The following DOK7 variants were observed in gnomAD, a reference collection of about 807,000 sequenced individuals.
DOK7 encodes the protein docking protein 7, also known as protein Dok-7.
Under a neutral mutation model 30.7 loss-of-function variants are expected in DOK7, and 32 were observed. The observed-to-expected ratio is 1.04, with a 90% CI of 0.79 to 1.40. The LOEUF is 1.40. Ranked by LOEUF, DOK7 falls within the 40% of genes most tolerant of loss-of-function variation. The pLI is 0.00. For synonymous variants in DOK7, 447 were observed against 324.1 expected (o/e 1.38, Z -4.07); for missense variants, 1,007 against 699.2 (o/e 1.44, Z -4.97).
rs1390831169 is a variant in DOK7 at position 3,493,280 on chromosome 4, A to G, written c.1294A>G (p.Arg432Gly). ...GGGCAGCCCCGGCAACAGTGCGGCC[A>G]GGGACTCAGGCGGCCAGACGTCCGC... ...SQGSPGNSAARDSGGQTSAGC... is the reference protein window; with the variant it reads ...SQGSPGNSAAGDSGGQTSAGC... Residue 432 changes from arginine to glycine, a missense_variant, in exon 7 of 7, where the codon AGG becomes GGG. Physicochemically the swap from Arg to Gly is moderately radical, Grantham distance 125 (BLOSUM62 -2). Transcript: ENST00000340083. 27 of 1,610,192 alleles carry G rather than the reference A, an allele frequency of 1.7e-5. 1 individual carries two copies. Among genetic ancestry groups the G allele is most frequent in the Middle Eastern group, 3.3e-4 (2 of 6,080 alleles).
intron 5 of DOK7, among the ~76,000 whole-genome samples, chr4:3,486,712 C>G (rs566613805): frequency 2.6e-5 from 4 of 151,824 alleles, no homozygotes; most frequent in Non-Finnish European, 4.4e-5. Flanking sequence ...CTGCAGGTGT[C>G]TTCCTGCCTA....
chr4:3,484,797 A>G (rs766552785), intron 4 of DOK7: 21 of 985,358 alleles, frequency 2.1e-5, no homozygotes, highest in Non-Finnish European at 2.4e-5. Flanking sequence ...GGAGGTGGGG[A>G]GGACGCGGTG....
Position 3,493,099 on chromosome 4 carries a change from A to C in DOK7, c.1113A>C (p.Ser371=), listed in dbSNP as rs6811856. 0.21 allele frequency: 338,528 copies of C among 1,579,746 alleles called. 40,280 individuals carry two copies. The highest frequency in any genetic ancestry group is 0.51 in the East Asian group (21,778 of 42,896). ...DVWRATDELG[S]LLSLPAAGAP... ...GGCGGGCCACAGATGAACTGGGCTC[A>C]CTGCTCAGCCTGCCAGCAGCGGGGG... The change falls in exon 7 of 7, where the codon TCA becomes TCC. Residue 371 remains serine (S), a synonymous_variant. Transcript: ENST00000340083.
chr4:3,463,460 G>GC lies in DOK7; in HGVS notation c.54+31_54+32insC, dbSNP rs1245236150. ...GGCGCGTCGGGGGCGCGGGGGGGGG[G>GC]GGCGCGGGCGCGGGCGGCGGCTCAC... On this transcript the variant is annotated intron_variant, in intron 1 of 6. Transcript: ENST00000340083. 3 of 1,419,712 alleles carry GC rather than the reference G, an allele frequency of 2.1e-6. No homozygotes were observed. The highest frequency in any genetic ancestry group is 1.8e-6 in the Non-Finnish European group (2 of 1,091,670). The allele number at this position is 1,419,712 out of a possible 1,614,324, so 87.9% of individuals were successfully genotyped here. A position where few individuals can be genotyped will look rare whatever the true frequency, so the allele number is the denominator to read the frequency against.
chr4:3,490,291 T>C (rs1728187105), intron 6 of DOK7, among the ~76,000 whole-genome samples: 1 of 95,302 alleles, frequency 1.0e-5, no homozygotes, highest in Non-Finnish European at 2.3e-5. Context: ...TGCTCATTCA[T>C]TTCTTCCTCC....
intron 5 of DOK7, among the ~76,000 whole-genome samples, chr4:3,489,316 C>T (rs181430025): frequency 1.1e-4 from 17 of 152,054 alleles, no homozygotes; most frequent in South Asian, 4.2e-4. Context: ...GCAGCGAGGC[C>T]GGCCCTGGGG....
chr4:3,470,861 G>C (rs1002559958), intron 2 of DOK7, among the ~76,000 whole-genome samples: 1 of 152,226 alleles, frequency 6.6e-6, no homozygotes, highest in Admixed American at 6.5e-5. Flanking sequence ...GTAACTTGTT[G>C]AACAAAGGAG....
intron 6 of DOK7, 83 bp downstream of exon 6, chr4:3,489,879 G>C: frequency 6.6e-7 from 1 of 1,519,504 alleles, no homozygotes; most frequent in African/African-American, 1.4e-5. Flanking sequence ...TGCATGTGTG[G>C]GGGCTGCAGG....
chr4:3,492,884 A>C lies in DOK7; in HGVS notation c.898A>C (p.Arg300=). Residue 300 remains arginine (R), a synonymous_variant, in exon 7 of 7, where the codon AGA becomes CGA. Transcript: ENST00000340083. ...AGCCAGCACGTCACAGGAGGGGCCT[A>C]GACCAGCAGCTGCCCAGGCCGCCGG... ...SSASTSQEGP[R]PAAAQAAGEA... is the part of the protein sequence containing the mutation. The C allele has an allele frequency of 6.2e-7, 1 of 1,600,052 alleles. No individual in the cohort carries two copies. Among genetic ancestry groups the C allele is most frequent in the South Asian group, 1.1e-5 (1 of 89,340 alleles).
At chr4:3,484,657 G>C in intron 4 of DOK7, 1 of 985,590 alleles carries the variant, frequency 1.0e-6, no homozygotes, top group Non-Finnish European at 1.2e-6. Flanking sequence ...CAGTGACGCT[G>C]GGCTGGTCCC....
Position 3,471,506 on chromosome 4 carries a change from G to A in DOK7, c.101-1900G>A, listed in dbSNP as rs60161752. On this transcript the variant is annotated intron_variant, in intron 2 of 6. Coordinates refer to ENST00000340083, the MANE Select transcript of DOK7 (RefSeq NM_173660.5). Reference sequence around the variant, plus strand: ...CAGAGGTGGCCCGGGCCCCTGCAGCGATCTCACAACACACTTCAACTGCAG... The same window carrying A: ...CAGAGGTGGCCCGGGCCCCTGCAGCAATCTCACAACACACTTCAACTGCAG... 9.3e-3 allele frequency among the ~76,000 whole-genome samples: 1,413 copies of A among 152,304 alleles called. 24 individuals carry two copies. The highest frequency in any genetic ancestry group is 0.032 in the African/African-American group (1,332 of 41,570).
intron 2 of DOK7, among the ~76,000 whole-genome samples, chr4:3,467,592 C>T (rs1451692683): frequency 2.0e-5 from 3 of 151,948 alleles, no homozygotes; most frequent in South Asian, 4.2e-4. Context: ...TGTACATGTG[C>T]ACCTGTACAC....
rs1042925470 is a variant in DOK7 at position 3,492,803 on chromosome 4, T to G, written c.817T>G (p.Leu273Val). 6.2e-7 allele frequency: 1 copy of G among 1,612,612 alleles called. No individual in the cohort carries two copies. The highest frequency in any genetic ancestry group is 1.3e-5 in the African/African-American group (1 of 74,912). ...LSSSSSEASH[L>V]DVSASSRLTA... is the part of the protein sequence containing the mutation. ...CAGCTCATCCTCAGAGGCCAGTCAC[T>G]TGGACGTCAGCGCCAGCAGCCGGCT... The change falls in exon 7 of 7, where the codon TTG becomes GTG. Residue 273 changes from leucine (L) to valine (V), a missense_variant. Physicochemically the swap from Leu to Val is conservative, Grantham distance 32 (BLOSUM62 1). Coordinates refer to ENST00000340083, the MANE Select transcript of DOK7 (RefSeq NM_173660.5).
At chr4:3,490,915 C>T (rs1182738883) in intron 6 of DOK7, among the ~76,000 whole-genome samples, 1 of 135,424 alleles carries the variant, frequency 7.4e-6, no homozygotes, top group African/African-American at 3.0e-5. Flanking sequence ...CTCCTCTGCT[C>T]ATTCATTCCT....
At chr4:3,479,468 G>A (rs1727311292) in intron 4 of DOK7, among the ~76,000 whole-genome samples, 1 of 152,386 alleles carries the variant, frequency 6.6e-6, no homozygotes, top group African/African-American at 2.4e-5. Context: ...GTCACATTCA[G>A]TCTGGAGGTC....
rs937404603 is a variant in DOK7 at position 3,494,296 on chromosome 4, G to A, written c.*795G>A. 1.8e-5 allele frequency: 18 copies of A among 985,484 alleles called. No individual in the cohort carries two copies. The highest frequency in any genetic ancestry group is 1.0e-3 in the Middle Eastern group (2 of 1,938). 61.0% of individuals were successfully genotyped at this position (985,484 alleles called of 1,614,324 possible). ...CCCTGGCCCAGGCCTCAGCCCCTGC[G>A]TCGGAGGTGGGGCTGTGTTGGGCCC... On this transcript the variant is annotated 3_prime_UTR_variant, in exon 7 of 7. Coordinates refer to ENST00000340083, the MANE Select transcript of DOK7 (RefSeq NM_173660.5).
chr4:3,494,537 C>G (rs1424975110), downstream of DOK7: 6 of 984,312 alleles, frequency 6.1e-6, no homozygotes, highest in African/African-American at 1.0e-4. Flanking sequence ...CCACCCTCCA[C>G]GTGGGGCCTC....
chr4:3,465,709 G>C (rs1229015178), intron 2 of DOK7, among the ~76,000 whole-genome samples: 1 of 152,220 alleles, frequency 6.6e-6, no homozygotes, highest in Admixed American at 6.5e-5. Context: ...AGTGGACGTC[G>C]GGCCGTCTGC....
Position 3,493,697 on chromosome 4 carries a change from T to C in DOK7, c.*196T>C, listed in dbSNP as rs1728707524. ...GGGGCTGACTTGGGGAGGTGAGTTC[T>C]GGAAGGCAGGGGCTCTGGGTCCGGC... On this transcript the variant is annotated 3_prime_UTR_variant, in exon 7 of 7. Transcript: ENST00000340083. 1.4e-6 allele frequency: 2 copies of C among 1,437,220 alleles called. No homozygotes were observed. The highest frequency in any genetic ancestry group is 1.8e-6 in the Non-Finnish European group (2 of 1,097,430). 89.0% of individuals were successfully genotyped at this position (1,437,220 alleles called of 1,614,324 possible).
Sources: gnomAD v4.1 joint callset for allele counts (sites outside exome capture counted in the v4.1 genomes callset) on GRCh38, gnomAD v4.1.1 for gene constraint, MANE v1.5 for transcripts, NCBI Gene and HGNC (gene_info 2026-07-23, HGNC 2026-07-21) for gene names.